The following SVOPL variants were observed in gnomAD, a reference collection of about 807,000 sequenced individuals.
The protein encoded by SVOPL is SVOP like, also known as putative transporter SVOPL.
Under a neutral mutation model 61.0 loss-of-function variants are expected in SVOPL, and 60 were observed. The ratio of observed to expected loss-of-function variants is 0.98; its 90% CI spans 0.80 to 1.22. The LOEUF (loss-of-function observed/expected upper bound fraction) is 1.22, where lower values mean the gene tolerates loss of function less well. SVOPL is among the 50% of genes most tolerant of loss of function. SVOPL has a pLI of 0.00. For missense variants in SVOPL, 662 were observed against 643.9 expected (o/e 1.03, Z -0.30); for synonymous variants, 279 against 250.0 (o/e 1.12, Z -1.09).
At chr7:138,601,938 T>TC (rs1280791305) in intron 14 of SVOPL, among the ~76,000 whole-genome samples, 2 of 152,234 alleles carry the variant, frequency 1.3e-5, no homozygotes, top group Non-Finnish European at 2.9e-5. Flanking sequence ...AACTGACTGT[T>TC]CATCCCTTGT....
At chr7:138,622,270 G>GTATGTATC (rs1554457343) in intron 13 of SVOPL, among the ~76,000 whole-genome samples, 13 of 83,738 alleles carry the variant, frequency 1.6e-4, no homozygotes, top group Non-Finnish European at 2.4e-4. Flanking sequence ...ATCTATCTAT[G>GTATGTATC]TATCTATCTA....
At chr7:138,646,162 G>A (rs932976723) in intron 8 of SVOPL, 7 of 202,126 alleles carry the variant, frequency 3.5e-5, no homozygotes, top group South Asian at 1.6e-4. Context: ...AAGCTATCTC[G>A]GCTCCTAGAG....
chr7:138,620,607 C>G (rs922351899), intron 14 of SVOPL, among the ~76,000 whole-genome samples: 1 of 152,048 alleles, frequency 6.6e-6, no homozygotes, highest in Admixed American at 6.6e-5. Flanking sequence ...CCAGCCTAAG[C>G]CTGGCTCACC....
chr7:138,608,370 A>G (rs926512039), intron 14 of SVOPL, among the ~76,000 whole-genome samples: 2 of 152,260 alleles, frequency 1.3e-5, no homozygotes, highest in African/African-American at 4.8e-5. Context: ...AAAAGCAGAC[A>G]GATCAATGGA....
At chr7:138,697,796 A>G (rs552899567) in intron 1 of SVOPL, among the ~76,000 whole-genome samples, 3 of 151,702 alleles carry the variant, frequency 2.0e-5, no homozygotes, top group Non-Finnish European at 2.9e-5. Context: ...GAGAAGAAGA[A>G]GAGGAAGAAG....
At chr7:138,697,678 A>AAAGAAGAGGAAT (rs1563142093) in intron 1 of SVOPL, among the ~76,000 whole-genome samples, 1 of 147,188 alleles carries the variant, frequency 6.8e-6, no homozygotes, top group African/African-American at 2.5e-5. Flanking sequence ...AGAAGGAGGA[A>AAAGAAGAGGAAT]AAGAAGAGGA....
intron 14 of SVOPL, chr7:138,597,131 C>G (rs1215666437): frequency 7.8e-7 from 1 of 1,283,322 alleles, no homozygotes; most frequent in East Asian, 5.6e-5. Context: ...CACGCAGATA[C>G]TGGTAATTCA....
intron 7 of SVOPL, 111 bp downstream of exon 7, chr7:138,656,337 G>A (rs547620440): frequency 3.9e-5 from 41 of 1,057,030 alleles, no homozygotes; most frequent in East Asian, 1.7e-4. Flanking sequence ...TCTGATACTC[G>A]CTTAATTGCA....
In SVOPL at chr7:138,620,995, C is replaced by T. The variant is rs368000151; in HGVS notation, c.1353+51G>A. ...TTAATCTGAAGGTCCCTGGGTTCCT[C>T]TTACCCCCTCTCTCAGACTCTCTCT... On this transcript the variant is annotated intron_variant, in intron 14 of 15. Transcript: ENST00000674285. 313 of 1,556,522 alleles carry T rather than the reference C, an allele frequency of 2.0e-4. 1 individual carries two copies. The Middle Eastern group carries it at 2.7e-3, about 13-fold the overall frequency.
chr7:138,696,402 GTTGTTGTTGTTGT>G (rs1336166082), intron 1 of SVOPL, among the ~76,000 whole-genome samples: 6 of 151,456 alleles, frequency 4.0e-5, no homozygotes, highest in Non-Finnish European at 8.8e-5. Flanking sequence ...GGCTAATTTT[GTTGTTGTTGTTGT>G]TTGTTGTTGT....
chr7:138,663,775 A>G (rs1301932819), intron 4 of SVOPL, among the ~76,000 whole-genome samples: 1 of 152,090 alleles, frequency 6.6e-6, no homozygotes, highest in Non-Finnish European at 1.5e-5. Flanking sequence ...CCTGCCTTCA[A>G]GAAGTTCAGG....
At chr7:138,596,392 C>T (rs1406894244) in intron 15 of SVOPL, 25 bp downstream of exon 15, 2 of 1,609,972 alleles carry the variant, frequency 1.2e-6, no homozygotes, top group Non-Finnish European at 1.7e-6. Flanking sequence ...GTTGAAAAGA[C>T]TTCAGAGTTC....
At position 138,659,810 on chromosome 7, in the gene SVOPL, G is replaced by C. The variant is rs1207412252; in HGVS notation, c.470+54C>G. ...TATTAAGCGCAGTGTGTGTGCATCA[G>C]GGCCTGCAGGGGTACACGTTTCTGT... On this transcript the variant is annotated intron_variant, in intron 6 of 15. Coordinates refer to ENST00000674285, the MANE Select transcript of SVOPL (RefSeq NM_001139456.2). 4.0e-6 allele frequency: 6 copies of C among 1,511,482 alleles called. No individual in the cohort carries two copies. In the African/African-American group the frequency reaches 8.3e-5, roughly 21 times the overall value. The allele number at this position is 1,511,482 out of a possible 1,614,324, so 93.6% of individuals were successfully genotyped here. A position where few individuals can be genotyped will look rare whatever the true frequency, so the allele number is the denominator to read the frequency against.
At chr7:138,647,475 G>A (rs1362556756) in intron 8 of SVOPL, among the ~76,000 whole-genome samples, 3 of 152,120 alleles carry the variant, frequency 2.0e-5, no homozygotes, top group African/African-American at 4.8e-5. Context: ...AATTTATAGG[G>A]AGAAAATTCT....
At chr7:138,663,791 C>T (rs897414956) in intron 4 of SVOPL, among the ~76,000 whole-genome samples, 2 of 151,662 alleles carry the variant, frequency 1.3e-5, no homozygotes, top group African/African-American at 2.4e-5. Flanking sequence ...TCAGGCTTCA[C>T]TGCAGCCCTG....
At chr7:138,677,794 G>A (rs1022160833) in intron 3 of SVOPL, among the ~76,000 whole-genome samples, 2 of 134,166 alleles carry the variant, frequency 1.5e-5, no homozygotes, top group Non-Finnish European at 3.1e-5. Flanking sequence ...ACGCAGTCTC[G>A]CTCTGTCATT....
chr7:138,594,795 CTAATA>C (rs1181487313), intron 15 of SVOPL, among the ~76,000 whole-genome samples, 174 bp from the exon 16 acceptor site: 1 of 151,904 alleles, frequency 6.6e-6, no homozygotes, highest in African/African-American at 2.4e-5. Flanking sequence ...CTTTTTAATT[CTAATA>C]TAATGCAGAT....
intron 14 of SVOPL, among the ~76,000 whole-genome samples, chr7:138,616,626 A>G (rs935190820): frequency 5.3e-5 from 8 of 152,156 alleles, no homozygotes; most frequent in African/African-American, 1.9e-4. Context: ...ATGAGCCACC[A>G]CACCTGGCCC....
At chr7:138,676,214 C>T (rs900144182) in intron 3 of SVOPL, among the ~76,000 whole-genome samples, 4 of 152,222 alleles carry the variant, frequency 2.6e-5, no homozygotes, top group Non-Finnish European at 5.9e-5. Context: ...GACATCACCA[C>T]TGTTGTGAAA....
Sources: gnomAD v4.1 joint callset for allele counts (sites outside exome capture counted in the v4.1 genomes callset) on GRCh38, gnomAD v4.1.1 for gene constraint, MANE v1.5 for transcripts, NCBI Gene and HGNC (gene_info 2026-07-23, HGNC 2026-07-21) for gene names.